MAST4: variants seen among roughly 807,000 people sequenced by gnomAD.
The protein encoded by MAST4 is microtubule-associated serine/threonine-protein kinase 4.
Under a neutral mutation model 162.7 loss-of-function variants are expected in MAST4, and 89 were observed. That is an observed-to-expected ratio of 0.55 (90% confidence interval 0.46 to 0.65). MAST4 has a LOEUF of 0.65. MAST4 is among the 30% of genes least tolerant of loss of function. MAST4 has a pLI of 0.00. For missense variants in MAST4, 3,153 were observed against 3,374.0 expected (o/e 0.93, Z 1.62); for synonymous variants, 1,479 against 1,361.1 (o/e 1.09, Z -1.91).
chr5:66,983,530 G>A (rs1032428834), intron 4 of MAST4, among the ~76,000 whole-genome samples: 1 of 152,116 alleles, frequency 6.6e-6, no homozygotes, highest in Non-Finnish European at 1.5e-5. Flanking sequence ...TATTTGTGTA[G>A]TATCTCTAAG....
chr5:66,732,994 A>G (rs1258270999), intron 1 of MAST4, among the ~76,000 whole-genome samples: 1 of 152,096 alleles, frequency 6.6e-6, no homozygotes, highest in African/African-American at 2.4e-5. Flanking sequence ...CCTTTTTCTC[A>G]GCATCATAAT....
Position 66,635,563 on chromosome 5 carries a change from C to A in MAST4, c.363+38545C>A, listed in dbSNP as rs551724485. On this transcript the variant is annotated intron_variant, in intron 1 of 28. Coordinates refer to ENST00000403625, the MANE Select transcript of MAST4 (RefSeq NM_001164664.2). Reference sequence around the variant, plus strand: ...ACTGGAATCAGGTGTGCAACTGTTGCAACATGTGCATCAAAACAAACTGTG... The same window carrying A: ...ACTGGAATCAGGTGTGCAACTGTTGAAACATGTGCATCAAAACAAACTGTG... 5.3e-4 allele frequency among the ~76,000 whole-genome samples: 80 copies of A among 152,256 alleles called. No homozygotes were observed. In the South Asian group the frequency reaches 0.017, roughly 32 times the overall value.
chr5:67,065,194 T>C (rs1235583665), intron 5 of MAST4, among the ~76,000 whole-genome samples: 2 of 152,184 alleles, frequency 1.3e-5, no homozygotes, highest in Non-Finnish European at 1.5e-5. Flanking sequence ...TTCTAAGATA[T>C]GATCAGTGAC....
chr5:67,113,140 T>C (rs1766447163), intron 11 of MAST4, among the ~76,000 whole-genome samples: 4 of 151,766 alleles, frequency 2.6e-5, no homozygotes, highest in Admixed American at 2.6e-4. Context: ...GGTGAAACCC[T>C]GTCTCTACTA....
intron 11 of MAST4, among the ~76,000 whole-genome samples, chr5:67,113,171 G>A (rs1381529624): frequency 3.3e-5 from 5 of 151,862 alleles, no homozygotes; most frequent in African/African-American, 7.3e-5. Flanking sequence ...AAAATTAGCC[G>A]GGCGTGGTGG....
intron 3 of MAST4, among the ~76,000 whole-genome samples, chr5:66,816,119 A>G (rs543746677): frequency 1.3e-5 from 2 of 152,294 alleles, no homozygotes; most frequent in South Asian, 2.1e-4. Context: ...GATTAAAAAT[A>G]TTATCTTATG....
intron 3 of MAST4, among the ~76,000 whole-genome samples, chr5:66,830,155 C>T (rs900653763): frequency 6.6e-6 from 1 of 152,196 alleles, no homozygotes; most frequent in South Asian, 2.1e-4. Flanking sequence ...CTCTGTTAAA[C>T]TCTGAATAGT....
chr5:66,991,746 T>C (rs1479977971), intron 4 of MAST4, among the ~76,000 whole-genome samples: 1 of 152,242 alleles, frequency 6.6e-6, no homozygotes, highest in Non-Finnish European at 1.5e-5. Context: ...GAAAGGACTC[T>C]GGCAGTATCT....
chr5:66,805,698 G>A (rs1756150747), intron 3 of MAST4, among the ~76,000 whole-genome samples: 1 of 152,210 alleles, frequency 6.6e-6, no homozygotes, highest in Non-Finnish European at 1.5e-5. Context: ...TTCTCTTGGA[G>A]TTTTATGACA....
intron 3 of MAST4, among the ~76,000 whole-genome samples, chr5:66,840,477 C>T (rs1012587760): frequency 1.3e-5 from 2 of 152,118 alleles, no homozygotes; most frequent in African/African-American, 4.8e-5. Context: ...AATATGGTTA[C>T]TATGAATCAA....
intron 3 of MAST4, among the ~76,000 whole-genome samples, chr5:66,845,903 A>G (rs916123759): frequency 6.6e-6 from 1 of 152,156 alleles, no homozygotes; most frequent in Admixed American, 6.5e-5. Context: ...GACTTCAAGG[A>G]TGCTTTTGAA....
chr5:67,038,661 C>G (rs535706851), intron 4 of MAST4, among the ~76,000 whole-genome samples: 2 of 152,198 alleles, frequency 1.3e-5, no homozygotes, highest in African/African-American at 4.8e-5. Context: ...GCTTACCACT[C>G]ATCTCCCTTC....
At position 67,050,720 on chromosome 5, in the gene MAST4, T is replaced by G. The variant is rs78243919; in HGVS notation, c.675-3684T>G. On this transcript the variant is annotated intron_variant, in intron 4 of 28. Transcript: ENST00000403625. ...TGTCTTCTCAGCCTAAATTCTGAAT[T>G]TGCAAGTAGTGACTCTGTGCCATTG... Among the ~76,000 whole-genome samples the G allele has an allele frequency of 9.8e-3, 1,493 of 152,308 alleles. 28 individuals carry two copies. The highest frequency in any genetic ancestry group is 0.034 in the African/African-American group (1,411 of 41,560).
At chr5:66,606,364 AT>A (rs201391389) in intron 1 of MAST4, among the ~76,000 whole-genome samples, 4 of 151,236 alleles carry the variant, frequency 2.6e-5, no homozygotes, top group Admixed American at 6.6e-5. Flanking sequence ...TGAACAAGCT[AT>A]TTTTTTTTAA....
chr5:67,085,749 T>G (rs1313596631), intron 5 of MAST4, among the ~76,000 whole-genome samples: 2 of 152,306 alleles, frequency 1.3e-5, no homozygotes, highest in East Asian at 3.9e-4. Context: ...TGCCCAGGTT[T>G]AATTAATAGT....
At chr5:66,816,985 C>CAAACCT (rs990809156) in intron 3 of MAST4, among the ~76,000 whole-genome samples, 45 of 152,332 alleles carry the variant, frequency 3.0e-4, no homozygotes, top group African/African-American at 1.1e-3. Context: ...CCTCGTCTCT[C>CAAACCT]AAACCTACCC....
At chr5:66,649,690 C>T (rs1314218573) in intron 1 of MAST4, among the ~76,000 whole-genome samples, 1 of 152,160 alleles carries the variant, frequency 6.6e-6, no homozygotes, top group African/African-American at 2.4e-5. Flanking sequence ...TTTGTTCTTT[C>T]TGCTGCCTCT....
At chr5:67,123,571 A>T (rs1436604412) in intron 14 of MAST4, among the ~76,000 whole-genome samples, 1 of 152,042 alleles carries the variant, frequency 6.6e-6, no homozygotes, top group Non-Finnish European at 1.5e-5. Context: ...AGTCACGGAT[A>T]CCCTGATTCT....
intron 4 of MAST4, among the ~76,000 whole-genome samples, chr5:66,939,561 A>G (rs763227922): frequency 1.3e-5 from 2 of 152,096 alleles, no homozygotes; most frequent in Non-Finnish European, 2.9e-5. Context: ...ATATTTTGCC[A>G]TTATGTATCT....
Sources: gnomAD v4.1 joint callset for allele counts (sites outside exome capture counted in the v4.1 genomes callset) on GRCh38, gnomAD v4.1.1 for gene constraint, MANE v1.5 for transcripts, NCBI Gene and HGNC (gene_info 2026-07-23, HGNC 2026-07-21) for gene names.